ITSN2: variants seen among roughly 807,000 people sequenced by gnomAD.
ITSN2 encodes the protein intersectin-2.
ITSN2 carries 156 observed loss-of-function variants against 243.7 expected under a neutral mutation model. The observed-to-expected ratio is 0.64, with a 90% CI of 0.56 to 0.73. ITSN2 has a LOEUF of 0.73. Ranked by LOEUF, ITSN2 falls within the 30% of genes least tolerant of loss-of-function variation. The probability of loss-of-function intolerance (pLI) is 0.00; values close to 1 mark genes in which losing one functional copy is unlikely to be tolerated. For missense variants in ITSN2, 1,801 were observed against 1,996.1 expected, an observed-to-expected ratio of 0.90 and a Z score of 1.86; for synonymous variants, 703 against 699.9, an observed-to-expected ratio of 1.00 and a Z score of -0.07.
At chr2:24,356,644 T>C (rs1688478964) in intron 1 of ITSN2, among the ~76,000 whole-genome samples, 1 of 152,168 alleles carries the variant, frequency 6.6e-6, no homozygotes, top group Non-Finnish European at 1.5e-5. Flanking sequence ...CCGGGTGCAG[T>C]GGCTCAAGCC....
chr2:24,334,243 G>A (rs1206428272), intron 1 of ITSN2, among the ~76,000 whole-genome samples: 1 of 152,074 alleles, frequency 6.6e-6, no homozygotes, highest in African/African-American at 2.4e-5. Flanking sequence ...ATTATTAGTA[G>A]AGAGGAGGTT....
chr2:24,203,773 A>G lies in ITSN2; in HGVS notation c.4947T>C (p.Gly1649=). The G allele has an allele frequency of 6.2e-7, 1 of 1,613,540 alleles. No homozygotes were observed. The highest frequency in any genetic ancestry group is 1.7e-5 in the Admixed American group (1 of 59,888). The change falls in exon 40 of 40, where the codon GGT becomes GGC. Residue 1649 remains glycine (G), a synonymous_variant. Transcript: ENST00000355123. ...RDQFSPDDFL[G]RTEIPVAKIR... ...TTTTTGCCACTGGAATTTCAGTACG[A>G]CCCAGGAAATCTGGTGAATAAACAC... is the stretch of plus-strand genomic sequence containing the variant.
At chr2:24,222,364 T>C (rs1264910217) in intron 29 of ITSN2, among the ~76,000 whole-genome samples, 3 of 148,636 alleles carry the variant, frequency 2.0e-5, no homozygotes, top group African/African-American at 7.5e-5. Context: ...GAAGAGAGAG[T>C]TCTCATCCAT....
chr2:24,228,267 C>T (rs910210597), intron 29 of ITSN2, among the ~76,000 whole-genome samples: 1 of 151,968 alleles, frequency 6.6e-6, no homozygotes, highest in African/African-American at 2.4e-5. Flanking sequence ...TCACAGATGA[C>T]AGAGAAATAA....
intron 29 of ITSN2, among the ~76,000 whole-genome samples, chr2:24,234,283 A>G (rs1416706023): frequency 6.6e-6 from 1 of 151,964 alleles, no homozygotes; most frequent in Non-Finnish European, 1.5e-5. Context: ...AATGCGAAAA[A>G]AAAAAAAGAA....
intron 1 of ITSN2, among the ~76,000 whole-genome samples, chr2:24,336,597 T>C (rs758933510): frequency 3.3e-5 from 5 of 152,228 alleles, no homozygotes; most frequent in South Asian, 2.1e-4. Flanking sequence ...GTGCTCCCTT[T>C]GTCATGGTCA....
At chr2:24,229,281 A>G (rs1671345884) in intron 29 of ITSN2, among the ~76,000 whole-genome samples, 1 of 152,214 alleles carries the variant, frequency 6.6e-6, no homozygotes, top group South Asian at 2.1e-4. Context: ...AAGAGACTAT[A>G]CATTCTTTTT....
rs1365818286 is a variant in ITSN2 at position 24,271,825 on chromosome 2, C to T, written c.2198G>A (p.Arg733Gln). Residue 733 changes from arginine to glutamine, a missense_variant, in exon 19 of 40, where the codon CGG (arginine) becomes CAG (glutamine). Physicochemically the swap from Arg to Gln is conservative, Grantham distance 43. Transcript: ENST00000355123. ...CTTACGTTGTTTCTCCTCAGCTTTC[C>T]GTTCCTCTTCTTGAATTTTTTCTTG... is the stretch of plus-strand genomic sequence containing the variant. ...KTQEKIQEEE[R>Q]KAEEKQRKDK... is the part of the protein sequence containing the mutation. 7 of 1,609,092 alleles carry T rather than the reference C, an allele frequency of 4.4e-6. No individual in the cohort carries two copies. The highest frequency in any genetic ancestry group is 2.2e-5 in the South Asian group (2 of 89,122).
At position 24,325,035 on chromosome 2, in the gene ITSN2, A is replaced by G. The variant is rs150456445; in HGVS notation, c.31+3017T>C. 3.2e-4 allele frequency among the ~76,000 whole-genome samples: 49 copies of G among 152,260 alleles called. No homozygotes were observed. The East Asian group carries it at 8.5e-3, about 26-fold the overall frequency. ...GCATTTTAACAAGGAATAATTTTTA[A>G]GTAGTGTTCAAATAACCTTTTAAAA... is the stretch of plus-strand genomic sequence containing the variant. On this transcript the variant is annotated intron_variant, in intron 2 of 39. Transcript: ENST00000355123.
chr2:24,220,430 T>A, intron 30 of ITSN2: 5 of 986,326 alleles, frequency 5.1e-6, no homozygotes, highest in Non-Finnish European at 6.0e-6. Context: ...AAACAAACAG[T>A]AGCTATATGA....
intron 39 of ITSN2, 94 bp from the exon 40 acceptor site, chr2:24,203,877 A>C (rs1668566374): frequency 9.0e-6 from 12 of 1,335,086 alleles, no homozygotes; most frequent in Non-Finnish European, 1.2e-5. Context: ...AAAACCTTCA[A>C]ATCTGAAACA....
intron 29 of ITSN2, among the ~76,000 whole-genome samples, chr2:24,222,864 T>C (rs1002999587): frequency 7.9e-5 from 12 of 151,946 alleles, no homozygotes; most frequent in Non-Finnish European, 1.8e-4. Flanking sequence ...TTAGTAGAGA[T>C]GGGGTTTCAC....
intron 20 of ITSN2, among the ~76,000 whole-genome samples, chr2:24,263,578 C>T (rs1290316725): frequency 6.6e-6 from 1 of 152,144 alleles, no homozygotes; most frequent in African/African-American, 2.4e-5. Flanking sequence ...CTTGCCCCTC[C>T]CCATGACCTT....
Sources: gnomAD v4.1 joint callset for allele counts (sites outside exome capture counted in the v4.1 genomes callset) on GRCh38, gnomAD v4.1.1 for gene constraint, MANE v1.5 for transcripts, NCBI Gene and HGNC (gene_info 2026-07-23, HGNC 2026-07-21) for gene names.